The following PI16 variants were observed in gnomAD, a reference collection of about 807,000 sequenced individuals.
The protein encoded by PI16 is PSP94-binding protein.
A neutral mutation model predicts 38.0 loss-of-function variants in PI16; 35 were observed. That is an observed-to-expected ratio of 0.92 (90% CI 0.70 to 1.22). The LOEUF (loss-of-function observed/expected upper bound fraction) is 1.22. PI16 is among the 50% of genes most tolerant of loss of function. The pLI is 0.00. For synonymous variants in PI16, 275 were observed against 252.9 expected, an observed-to-expected ratio of 1.09 and a Z score of -0.83; for missense variants, 572 against 593.8, an observed-to-expected ratio of 0.96 and a Z score of 0.38.
chr6:36,963,581 G>A lies in PI16; in HGVS notation c.1239G>A (p.Gly413=). Residue 413 remains glycine, a synonymous_variant, in exon 5 of 7, where the codon GGG becomes GGA. Coordinates refer to ENST00000373674, the MANE Select transcript of PI16 (RefSeq NM_153370.3). ...CTGCCACCGCTAATGCCACGGGTGG[G>A]CGTGCCCTGGCTCTGCAGTCGTCCT... ...NTSATANATG[G]RALALQSSLP... 6.2e-7 allele frequency: 1 copy of A among 1,614,148 alleles called. No individual in the cohort carries two copies. The highest frequency in any genetic ancestry group is 1.1e-5 in the South Asian group (1 of 91,080).
At chr6:36,953,929 T>A (rs1029639873), upstream of PI16, among the ~76,000 whole-genome samples, 27 of 152,222 alleles carry the variant, frequency 1.8e-4, no homozygotes, top group African/African-American at 6.5e-4. Context: ...CACTTCCAAA[T>A]GAGCATGTCA....
In PI16 at chr6:36,949,672, T is replaced by A. The variant is rs546568355; in HGVS notation, c.-82+1268T>A. 1.8e-4 allele frequency among the ~76,000 whole-genome samples: 27 copies of A among 152,348 alleles called. No homozygotes were observed. The South Asian group carries it at 5.2e-3, about 29-fold the overall frequency. On this transcript the variant is annotated intron_variant, in intron 1 of 7. Coordinates refer to the PI16 transcript ENST00000611814. ...CTTCCGATTCTTTTCCACATCTTGT[T>A]CCCCTCTACCCCCTAAGTCTTCCTT...
At position 36,962,350 on chromosome 6, in the gene PI16, C is replaced by T. The variant is rs118019929; in HGVS notation, c.592+376C>T. Among the ~76,000 whole-genome samples the T allele has an allele frequency of 2.0e-5, 3 of 152,294 alleles. No homozygotes were observed. The highest frequency in any genetic ancestry group is 1.9e-4 in the East Asian group (1 of 5,174). ...GTCTTGCTGGGGGCGTGTGAGGGAC[C>T]GCGATCCCGCTGGAGAAGTCCCCTG... On this transcript the variant is annotated intron_variant, in intron 4 of 6. Coordinates refer to ENST00000373674, the MANE Select transcript of PI16 (RefSeq NM_153370.3). The surrounding 1 kb of genome is among the most constrained non-coding windows in gnomAD (Gnocchi z 4.1).
chr6:36,963,695 G>T (rs552105481), intron 5 of PI16, 83 bp downstream of exon 5: 4 of 1,555,092 alleles, frequency 2.6e-6, no homozygotes, highest in East Asian at 4.5e-5. Flanking sequence ...TATGAGCATG[G>T]TGGGGCATGC....
At chr6:36,959,961 G>C (rs1017600562) in intron 2 of PI16, among the ~76,000 whole-genome samples, 1 of 152,028 alleles carries the variant, frequency 6.6e-6, no homozygotes, top group African/African-American at 2.4e-5. Context: ...CAATTTTATG[G>C]ACCATGGTTA....
Position 36,959,406 on chromosome 6 carries a change from C to CG in PI16, c.393+41dup, listed in dbSNP as rs1763293303. On this transcript the variant is annotated intron_variant, in intron 2 of 6. Transcript: ENST00000373674. ...GGCGAGGCGGGGCGGAGCCTCGCGG[C>CG]GTGGGGGTGGGGCCACGTGCTCCCT... 5 of 1,516,002 alleles carry CG rather than the reference C, an allele frequency of 3.3e-6. No homozygotes were observed. The East Asian group carries it at 1.2e-4, about 37-fold the overall frequency. 93.9% of individuals were successfully genotyped at this position (1,516,002 alleles called of 1,614,324 possible). A position where few individuals can be genotyped will look rare whatever the true frequency, so the allele number is the denominator to read the frequency against.
rs749014220 is a variant in PI16 at position 36,961,859 on chromosome 6, C to T, written c.504-27C>T. ...GGGTTGGGAGGGGTCGACCCCCTCCCCGCAGCATCCTCCTGACCTCCTGTA... is the reference window on the plus strand; with the variant it reads ...GGGTTGGGAGGGGTCGACCCCCTCCTCGCAGCATCCTCCTGACCTCCTGTA... On this transcript the variant is annotated intron_variant, in intron 3 of 6. Transcript: ENST00000373674. The T allele has an allele frequency of 1.9e-6, 3 of 1,592,800 alleles. No homozygotes were observed. The South Asian group carries it at 3.3e-5, about 18-fold the overall frequency.
In PI16 at chr6:36,959,375, C is replaced by T; in HGVS notation, c.393+9C>T. 1 of 1,545,006 alleles carries T rather than the reference C, an allele frequency of 6.5e-7. No individual in the cohort carries two copies. Among genetic ancestry groups the T allele is most frequent in the Non-Finnish European group, 8.7e-7 (1 of 1,144,740 alleles). The stretch of plus-strand genomic sequence containing the variant: ...GCGGCCACTACACGCAGGTGTGGGC[C>T]CGGCGGGCGAGGCGGGGCGGAGCCT... On this transcript the variant is annotated intron_variant, in intron 2 of 6. Transcript: ENST00000373674.
rs1763285297 is a variant in PI16, at chr6:36,959,221, G to A, written c.248G>A (p.Gly83Glu). 7 of 1,609,852 alleles carry A rather than the reference G, an allele frequency of 4.3e-6. No individual in the cohort carries two copies. The highest frequency in any genetic ancestry group is 1.6e-4 in the Middle Eastern group (1 of 6,070). The change falls in exon 2 of 7, where the codon GGG becomes GAG. Residue 83 changes from glycine to glutamate, a missense_variant. By Grantham distance (98) the Gly-to-Glu change is moderately conservative. Transcript: ENST00000373674. ...QCVWGHNKERGRRGENLFAIT... is the reference protein window; with the variant it reads ...QCVWGHNKERERRGENLFAIT... ...GTGTGGGGCCACAACAAGGAGCGCG[G>A]GCGCCGCGGCGAGAATCTGTTCGCC...
chr6:36,953,662 C>T (rs1457370240), upstream of PI16, among the ~76,000 whole-genome samples: 1 of 152,150 alleles, frequency 6.6e-6, no homozygotes, highest in Admixed American at 6.5e-5. Flanking sequence ...ATTGAAGAAG[C>T]AGGCTTCAAG....
chr6:36,963,837 G>GA lies in PI16; in HGVS notation c.1286dup (p.Asp429GlufsTer4), dbSNP rs1208697231. 1 of 1,601,636 alleles carries GA rather than the reference G, an allele frequency of 6.2e-7. No individual in the cohort carries two copies. Among genetic ancestry groups the GA allele is most frequent in the East Asian group, 2.2e-5 (1 of 44,818 alleles). ...TCTTCCCACAGGTGCAGAGGGCCCT[G>GA]ACAAGCCTAGCGTCGTGTCAGGGCT... On this transcript the variant is annotated frameshift_variant, in exon 6 of 7. Coordinates refer to ENST00000373674, the MANE Select transcript of PI16 (RefSeq NM_153370.3). LOFTEE classifies it high-confidence loss of function.
intron 2 of PI16, 70 bp downstream of exon 2, chr6:36,959,436 G>C: frequency 2.8e-6 from 4 of 1,440,512 alleles, no homozygotes; most frequent in Non-Finnish European, 3.7e-6. Context: ...CTCCCTGGGC[G>C]GGGCCACCTC....
upstream of PI16, among the ~76,000 whole-genome samples, chr6:36,949,819 GCTGT>G (rs1314197912): frequency 6.6e-6 from 1 of 151,974 alleles, no homozygotes; most frequent in East Asian, 1.9e-4. Flanking sequence ...TGTGATGTAT[GCTGT>G]CTGTCTGTTG....
At chr6:36,954,214 C>T (rs1299297788), upstream of PI16, among the ~76,000 whole-genome samples, 1 of 152,236 alleles carries the variant, frequency 6.6e-6, no homozygotes, top group Non-Finnish European at 1.5e-5. Context: ...GAGATAGGTA[C>T]TATTATTGTC....
At chr6:36,961,850 A>AC (rs1297492018) in intron 3 of PI16, 36 bp from the exon 4 acceptor site, 1 of 1,553,712 alleles carries the variant, frequency 6.4e-7, no homozygotes, top group Non-Finnish European at 8.9e-7. Context: ...GGAGGGGTCG[A>AC]CCCCCTCCCC....
In PI16 at chr6:36,959,210, C is replaced by T. The variant is rs1390531559; in HGVS notation, c.237C>T (p.Asn79=). Residue 79 remains asparagine (N), a synonymous_variant, in exon 2 of 7, where the codon AAC becomes AAT. Coordinates refer to ENST00000373674, the MANE Select transcript of PI16 (RefSeq NM_153370.3). Reference sequence around the variant, plus strand: ...CACGGCAGTGCGTGTGGGGCCACAACAAGGAGCGCGGGCGCCGCGGCGAGA... The same window carrying T: ...CACGGCAGTGCGTGTGGGGCCACAATAAGGAGCGCGGGCGCCGCGGCGAGA... The part of the protein sequence containing the change: ...AYARQCVWGH[N]KERGRRGENL... The T allele has an allele frequency of 6.2e-7, 1 of 1,611,238 alleles. No individual in the cohort carries two copies. The highest frequency in any genetic ancestry group is 2.2e-5 in the East Asian group (1 of 44,806).
intron 1 of PI16, among the ~76,000 whole-genome samples, chr6:36,955,773 C>T (rs1046469889): frequency 6.6e-6 from 1 of 152,158 alleles, no homozygotes; most frequent in African/African-American, 2.4e-5. Context: ...GAGACAGAAG[C>T]CAGATTTAGG....
At chr6:36,948,817 C>G (rs1763056069) in intron 1 of PI16, among the ~76,000 whole-genome samples, 1 of 137,214 alleles carries the variant, frequency 7.3e-6, no homozygotes, top group Non-Finnish European at 1.6e-5. Flanking sequence ...GTTTTTGAAA[C>G]AGAGTCTCAC....
At chr6:36,959,403 C>T (rs1242785759) in intron 2 of PI16, 37 bp downstream of exon 2, 1 of 1,520,846 alleles carries the variant, frequency 6.6e-7, no homozygotes, top group Non-Finnish European at 8.8e-7. Flanking sequence ...CGGAGCCTCG[C>T]GGCGTGGGGG....
Sources: allele counts gnomAD v4.1 joint callset (sites outside exome capture counted in the v4.1 genomes callset), GRCh38; gene constraint gnomAD v4.1.1; non-coding constraint Gnocchi (gnomAD v3.1); transcripts MANE v1.5; gene names NCBI Gene and HGNC (gene_info 2026-07-23, HGNC 2026-07-21).